The following SATL1 variants were observed in gnomAD, a reference collection of about 807,000 sequenced individuals.
The protein encoded by SATL1 is spermidine/spermine N1-acetyl transferase like 1, also known as spermidine/spermine N(1)-acetyltransferase-like protein 1.
SATL1 carries 47 observed loss-of-function variants against 51.8 expected under a neutral mutation model. That is an observed-to-expected ratio of 0.91 (90% CI 0.72 to 1.16). The LOEUF (loss-of-function observed/expected upper bound fraction) is 1.16, where lower values mean the gene tolerates loss of function less well. Ranked by LOEUF, SATL1 falls within the 50% of genes most tolerant of loss-of-function variation. The probability of loss-of-function intolerance (pLI) is 0.00; values close to 1 mark genes in which losing one functional copy is unlikely to be tolerated. For missense variants in SATL1, 520 were observed against 526.4 expected (o/e 0.99, Z 0.12); for synonymous variants, 176 against 182.4 (o/e 0.97, Z 0.28).
At chrX:85,181,206 C>T (rs764742546) in intron 2 of SATL1, among the ~76,000 whole-genome samples, 1,224 of 94,711 alleles carry the variant, frequency 0.013, 19 homozygotes, top group African/African-American at 0.039. Flanking sequence ...TATATATACA[C>T]ATATATATAT....
intron 2 of SATL1, among the ~76,000 whole-genome samples, chrX:85,149,555 T>C (rs1407351982): frequency 9.0e-6 from 1 of 111,451 alleles, no homozygotes; most frequent in Non-Finnish European, 1.9e-5. Context: ...ATTGACCACA[T>C]AGTTGGAAGT....
chrX:85,242,163 AG>A (rs1928619756), intron 1 of SATL1, among the ~76,000 whole-genome samples: 4 of 112,262 alleles, frequency 3.6e-5, no homozygotes, highest in Non-Finnish European at 5.6e-5. Context: ...TATCTCCCAC[AG>A]TGTACCATTC....
intron 2 of SATL1, among the ~76,000 whole-genome samples, chrX:85,188,213 A>G (rs1438567877): frequency 1.8e-5 from 2 of 111,581 alleles, no homozygotes; most frequent in African/African-American, 6.5e-5. Flanking sequence ...AGCTGGGTGG[A>G]AATATGTTAC....
intron 2 of SATL1, among the ~76,000 whole-genome samples, chrX:85,179,458 C>T (rs967174137): frequency 2.7e-5 from 3 of 111,595 alleles, no homozygotes; most frequent in African/African-American, 9.7e-5. Flanking sequence ...TCTGAGAAAT[C>T]GTTCAGTGAT....
rs142195854 is a variant in SATL1 at position 85,164,512 on chromosome X, A to C, written c.-312-55232T>G. Among the ~76,000 whole-genome samples the C allele has an allele frequency of 2.7e-5, 3 of 111,153 alleles. No individual in the cohort carries two copies. The East Asian group carries it at 8.5e-4, about 32-fold the overall frequency. On this transcript the variant is annotated intron_variant, in intron 2 of 7. Transcript: ENST00000644105. Reference sequence around the variant, plus strand: ...CATTTATAAAGCCTAGTTTTGCTGGATACACAATTCTTGGTTGATAATTAT... The same window carrying C: ...CATTTATAAAGCCTAGTTTTGCTGGCTACACAATTCTTGGTTGATAATTAT...
chrX:85,151,092 T>C (rs1926421506), intron 2 of SATL1, among the ~76,000 whole-genome samples: 1 of 109,047 alleles, frequency 9.2e-6, no homozygotes, highest in Admixed American at 9.9e-5. Context: ...AAAATCTCCT[T>C]AAGCTGATAA....
intron 2 of SATL1, among the ~76,000 whole-genome samples, chrX:85,127,511 C>T (rs112176534): frequency 0.043 from 4,740 of 111,252 alleles, 267 homozygotes; most frequent in African/African-American, 0.15. Flanking sequence ...ATTTGTAAAA[C>T]GAAACAGCTT....
chrX:85,193,061 G>A (rs759643632), intron 2 of SATL1, among the ~76,000 whole-genome samples: 4 of 111,742 alleles, frequency 3.6e-5, no homozygotes, highest in South Asian at 7.5e-4. Flanking sequence ...TGTCTATAAT[G>A]GGAGTTAAGT....
intron 2 of SATL1, among the ~76,000 whole-genome samples, chrX:85,223,585 G>A (rs909589177): frequency 1.8e-5 from 2 of 111,121 alleles, no homozygotes; most frequent in African/African-American, 6.6e-5. Flanking sequence ...CCTAGGTCCA[G>A]AAAGTGGGTC....
rs933318132 is a variant in SATL1, at chrX:85,102,035, G to T, written c.1693+1829C>A. On this transcript the variant is annotated intron_variant, in intron 4 of 7. Coordinates refer to ENST00000644105, the MANE Select transcript of SATL1 (RefSeq NM_001367857.2). ...CTAGGGGGAGGGAGGTCGGCAATGG[G>T]GATTTATTTTTTTTAATTTATTTTT... is the stretch of plus-strand genomic sequence containing the variant. Among the ~76,000 whole-genome samples the T allele has an allele frequency of 2.8e-5, 3 of 105,732 alleles. No individual in the cohort carries two copies. The Admixed American group carries it at 3.1e-4, about 11-fold the overall frequency. 91.8% of individuals were successfully genotyped at this position (105,732 alleles called of 115,157 possible). A position where few individuals can be genotyped will look rare whatever the true frequency, so the allele number is the denominator to read the frequency against.
At chrX:85,209,968 T>C (rs1650621731) in intron 2 of SATL1, 1 of 110,438 alleles carries the variant, frequency 9.1e-6, no homozygotes, top group African/African-American at 3.3e-5. Flanking sequence ...CTTGTGGACA[T>C]TTAGTGCTAT....
At chrX:85,132,901 A>C (rs1038955730) in intron 2 of SATL1, among the ~76,000 whole-genome samples, 1 of 112,115 alleles carries the variant, frequency 8.9e-6, no homozygotes, top group Admixed American at 9.5e-5. Context: ...TCCTTCTAAC[A>C]GTCGGGTCCC....
chrX:85,146,801 C>A (rs1926252346), intron 2 of SATL1, among the ~76,000 whole-genome samples: 1 of 112,643 alleles, frequency 8.9e-6, no homozygotes, highest in Admixed American at 9.3e-5. Flanking sequence ...AAGTCATATT[C>A]TCCCTCTCCA....
At chrX:85,241,558 A>G (rs956491463) in intron 1 of SATL1, among the ~76,000 whole-genome samples, 6 of 112,001 alleles carry the variant, frequency 5.4e-5, no homozygotes, top group Non-Finnish European at 1.1e-4. Flanking sequence ...TTTTTTTCCC[A>G]TTTATTAGTC....
chrX:85,159,782 A>G (rs1246555050), intron 2 of SATL1, among the ~76,000 whole-genome samples: 1 of 111,078 alleles, frequency 9.0e-6, no homozygotes, highest in African/African-American at 3.3e-5. Context: ...CCCACATGGA[A>G]GCCAGCAAAC....
intron 2 of SATL1, among the ~76,000 whole-genome samples, chrX:85,223,399 G>T (rs967624546): frequency 9.9e-5 from 11 of 111,441 alleles, no homozygotes; most frequent in African/African-American, 3.6e-4. Context: ...CCTCAAAAAA[G>T]ATATTAGTTA....
intron 2 of SATL1, chrX:85,219,532 A>C (rs772494628): frequency 8.0e-5 from 9 of 112,378 alleles, no homozygotes; most frequent in South Asian, 3.7e-4. Flanking sequence ...AGTGAAATGC[A>C]TAAACGATTG....
chrX:85,173,608 C>T (rs893357418), intron 2 of SATL1, among the ~76,000 whole-genome samples: 1 of 109,292 alleles, frequency 9.1e-6, no homozygotes, highest in African/African-American at 3.3e-5. Context: ...CCCCTTCTAC[C>T]CATATACAAC....
At chrX:85,198,276 T>G (rs1299318914) in intron 2 of SATL1, among the ~76,000 whole-genome samples, 3 of 112,187 alleles carry the variant, frequency 2.7e-5, no homozygotes, top group Non-Finnish European at 3.8e-5. Flanking sequence ...ATTGTGAATA[T>G]TGCTGCAATA....
Sources: allele counts gnomAD v4.1 joint callset (sites outside exome capture counted in the v4.1 genomes callset), GRCh38; gene constraint gnomAD v4.1.1; transcripts MANE v1.5; gene names NCBI Gene and HGNC (gene_info 2026-07-23, HGNC 2026-07-21).